The following MACC1 variants were observed in gnomAD, a reference collection of about 807,000 sequenced individuals.
The protein encoded by MACC1 is metastasis-associated in colon cancer protein 1.
In MACC1, 79 loss-of-function variants were observed where a neutral mutation model predicts 70.7. The observed-to-expected ratio is 1.12, with a 90% CI of 0.93 to 1.35. The LOEUF is 1.35. Among genes scored for constraint, MACC1 ranks in the 40% most tolerant of loss-of-function variants. The pLI is 0.00. For synonymous variants in MACC1, 361 were observed against 347.2 expected (o/e 1.04, Z -0.44); for missense variants, 1,106 against 978.1 (o/e 1.13, Z -1.74).
intron 6 of MACC1, among the ~76,000 whole-genome samples, chr7:20,151,913 G>A (rs1248502617): frequency 1.3e-5 from 2 of 152,202 alleles, no homozygotes; most frequent in African/African-American, 4.8e-5. Flanking sequence ...CATGGACTCT[G>A]AAGTCAAATG....
chr7:20,146,885 A>G (rs1252086001), intron 6 of MACC1, among the ~76,000 whole-genome samples: 2 of 152,198 alleles, frequency 1.3e-5, no homozygotes, highest in African/African-American at 4.8e-5. Context: ...TAGATTTTTA[A>G]TGGTAACTTC....
chr7:20,175,766 T>C (rs1449683303), intron 1 of MACC1, among the ~76,000 whole-genome samples: 1 of 152,098 alleles, frequency 6.6e-6, no homozygotes, highest in East Asian at 1.9e-4. Context: ...AGAAATAGCA[T>C]TTTAACATGA....
intron 2 of MACC1, among the ~76,000 whole-genome samples, chr7:20,168,379 G>A (rs1782252411): frequency 1.3e-5 from 2 of 152,168 alleles, no homozygotes; most frequent in Non-Finnish European, 2.9e-5. Flanking sequence ...GTAAATTCCA[G>A]TATACCTATT....
In MACC1 at chr7:20,158,948, T is replaced by C; in HGVS notation, c.1413A>G (p.Leu471=). ...EAGEVVHQQF[L]FSLVEHREMH... is the part of the protein sequence containing the mutation. ...TCTCTCTGTGCTCAACTAAAGAAAA[T>C]AAAAATTGTTGATGAACTACTTCAC... The change falls in exon 5 of 7, where the codon TTA becomes TTG. Residue 471 remains leucine, a synonymous_variant. Coordinates refer to ENST00000400331, the MANE Select transcript of MACC1 (RefSeq NM_182762.4). The C allele has an allele frequency of 6.2e-7, 1 of 1,613,876 alleles. No homozygotes were observed. Among genetic ancestry groups the C allele is most frequent in the Non-Finnish European group, 8.5e-7 (1 of 1,179,960 alleles).
intron 1 of MACC1, among the ~76,000 whole-genome samples, chr7:20,200,484 GAAAGT>G (rs1210439079): frequency 6.6e-6 from 1 of 152,190 alleles, no homozygotes; most frequent in Non-Finnish European, 1.5e-5. Context: ...TCCTGGAAGA[GAAAGT>G]AAATTGTTGT....
Position 20,165,237 on chromosome 7 carries a change from C to T in MACC1, c.-152-838G>A, listed in dbSNP as rs77129955. 9.0e-4 allele frequency among the ~76,000 whole-genome samples: 137 copies of T among 152,304 alleles called. 2 individuals are homozygous for T. In the East Asian group the frequency reaches 0.023, roughly 25 times the overall value. On this transcript the variant is annotated intron_variant, in intron 2 of 6. Coordinates refer to ENST00000400331, the MANE Select transcript of MACC1 (RefSeq NM_182762.4). Reference sequence around the variant, plus strand: ...TTAATCAAACAACCCTTTGGAACCACCCCAGTGTTTCTAATCCAGAAGGTC... The same window carrying T: ...TTAATCAAACAACCCTTTGGAACCATCCCAGTGTTTCTAATCCAGAAGGTC...
chr7:20,164,644 C>T (rs949201678), intron 2 of MACC1, among the ~76,000 whole-genome samples: 3 of 152,194 alleles, frequency 2.0e-5, no homozygotes, highest in African/African-American at 4.8e-5. Flanking sequence ...TCAAGTTGCA[C>T]GGAAACCTCA....
chr7:20,148,905 C>G (rs1008930764), intron 6 of MACC1, among the ~76,000 whole-genome samples: 4 of 152,132 alleles, frequency 2.6e-5, no homozygotes, highest in African/African-American at 9.7e-5. Flanking sequence ...TTTCCCTTCT[C>G]TAAGAAATTA....
intron 1 of MACC1, among the ~76,000 whole-genome samples, chr7:20,213,301 A>G (rs1215849485): frequency 6.6e-6 from 1 of 152,248 alleles, no homozygotes; most frequent in Non-Finnish European, 1.5e-5. Flanking sequence ...TCGTAGAGAA[A>G]AAGGAACGCT....
At chr7:20,186,241 G>A (rs191701979) in intron 1 of MACC1, among the ~76,000 whole-genome samples, 1 of 152,112 alleles carries the variant, frequency 6.6e-6, no homozygotes, top group Non-Finnish European at 1.5e-5. Flanking sequence ...AGGTGAAAGG[G>A]ACCTGCTAAC....
intron 1 of MACC1, among the ~76,000 whole-genome samples, chr7:20,177,883 A>G (rs1294491033): frequency 1.3e-5 from 2 of 152,100 alleles, no homozygotes; most frequent in Non-Finnish European, 2.9e-5. Context: ...TTTTTAAACA[A>G]TTCACACTGA....
intron 1 of MACC1, among the ~76,000 whole-genome samples, chr7:20,178,924 A>T (rs1167714218): frequency 6.6e-6 from 1 of 152,122 alleles, no homozygotes; most frequent in Non-Finnish European, 1.5e-5. Context: ...TTATCATGCT[A>T]AGAACTCATA....
intron 1 of MACC1, among the ~76,000 whole-genome samples, chr7:20,205,264 T>C (rs1701432303): frequency 6.6e-6 from 1 of 152,308 alleles, no homozygotes; most frequent in East Asian, 1.9e-4. Flanking sequence ...TAAAGTTAGG[T>C]GCTTAATTTC....
chr7:20,190,870 G>T (rs986500006), intron 1 of MACC1, among the ~76,000 whole-genome samples: 1 of 152,140 alleles, frequency 6.6e-6, no homozygotes, highest in Non-Finnish European at 1.5e-5. Context: ...TTTGCTTTCT[G>T]TTTTGTAAAA....
At chr7:20,196,596 T>C (rs1782758558) in intron 1 of MACC1, among the ~76,000 whole-genome samples, 1 of 152,018 alleles carries the variant, frequency 6.6e-6, no homozygotes, top group Admixed American at 6.6e-5. Context: ...ATTTTATATA[T>C]ATATATAAAA....
intron 3 of MACC1, 30 bp from the exon 4 acceptor site, chr7:20,161,900 T>G: frequency 7.8e-7 from 1 of 1,288,048 alleles, no homozygotes; most frequent in Non-Finnish European, 1.1e-6. Flanking sequence ...GTATTTTTTG[T>G]AAGCATACAT....
At chr7:20,192,179 C>T (rs943297443) in intron 1 of MACC1, among the ~76,000 whole-genome samples, 1 of 152,082 alleles carries the variant, frequency 6.6e-6, no homozygotes, top group Non-Finnish European at 1.5e-5. Flanking sequence ...CATGTTAATG[C>T]TCTACTTATA....
In MACC1 at chr7:20,135,154, A is replaced by C. The variant is rs1217815550; in HGVS notation, c.*5792T>G. 6.6e-6 allele frequency: 1 copy of C among 152,240 alleles called. No individual in the cohort carries two copies. Among genetic ancestry groups the C allele is most frequent in the Admixed American group, 6.5e-5 (1 of 15,282 alleles). 9.4% of individuals were successfully genotyped at this position (152,240 alleles called of 1,614,324 possible). ...GCTTTTTCCGAAGATATTTTACAGA[A>C]ACAAATGCAATGTTACATATATTTT... On this transcript the variant is annotated 3_prime_UTR_variant, in exon 7 of 7. Coordinates refer to ENST00000400331, the MANE Select transcript of MACC1 (RefSeq NM_182762.4).
intron 1 of MACC1, among the ~76,000 whole-genome samples, chr7:20,182,891 T>A (rs1001207459): frequency 6.6e-6 from 1 of 152,248 alleles, no homozygotes; most frequent in Non-Finnish European, 1.5e-5. Flanking sequence ...GGAAATCTTA[T>A]GTAAAAACAA....
Sources: allele counts gnomAD v4.1 joint callset (sites outside exome capture counted in the v4.1 genomes callset), GRCh38; gene constraint gnomAD v4.1.1; transcripts MANE v1.5; gene names NCBI Gene and HGNC (gene_info 2026-07-23, HGNC 2026-07-21).